Variants in ELMO1 observed in about 807,000 individuals in gnomAD.
The protein encoded by ELMO1 is engulfment and cell motility 1.
ELMO1 carries 26 observed loss-of-function variants against 98.9 expected under a neutral mutation model. The ratio of observed to expected loss-of-function variants is 0.26; its 90% CI spans 0.19 to 0.36. The LOEUF is 0.36. ELMO1 is among the 10% of genes least tolerant of loss of function. The pLI, the probability that ELMO1 is intolerant of heterozygous loss-of-function variation, is 1.00. For missense variants in ELMO1, 627 were observed against 935.2 expected (o/e 0.67, Z 4.30); for synonymous variants, 346 against 346.0 (o/e 1.00, Z 0.00).
At chr7:36,892,434 AT>A (rs142068229) in intron 17 of ELMO1, among the ~76,000 whole-genome samples, 9,010 of 152,206 alleles carry the variant, frequency 0.059, 350 homozygotes, top group South Asian at 0.17. Context: ...TCTATGGTAA[AT>A]CCCCCACCCC....
At chr7:37,304,574 G>A (rs1296146451) in intron 4 of ELMO1, among the ~76,000 whole-genome samples, 1 of 152,096 alleles carries the variant, frequency 6.6e-6, no homozygotes, top group African/African-American at 2.4e-5. Context: ...AAATTAGCTG[G>A]GTGTGGTGGC....
chr7:37,375,839 C>G, intron 1 of ELMO1: 2 of 763,476 alleles, frequency 2.6e-6, no homozygotes, highest in South Asian at 2.9e-5. Flanking sequence ...AGGCCTCGGC[C>G]TAAAGGTCTG....
chr7:37,398,061 C>G (rs771014651), intron 1 of ELMO1, among the ~76,000 whole-genome samples: 3 of 152,174 alleles, frequency 2.0e-5, no homozygotes, highest in Non-Finnish European at 4.4e-5. Flanking sequence ...ATGCTGGGCT[C>G]AATACCTAGG....
chr7:37,165,067 G>T (rs1789554958), intron 13 of ELMO1, among the ~76,000 whole-genome samples: 1 of 152,128 alleles, frequency 6.6e-6, no homozygotes, highest in Non-Finnish European at 1.5e-5. Flanking sequence ...TTGTAAGGTG[G>T]ATTCTTAGGT....
At chr7:37,408,154 TCATGCAGCAAGGG>T (rs1473552227) in intron 1 of ELMO1, among the ~76,000 whole-genome samples, 3 of 152,178 alleles carry the variant, frequency 2.0e-5, no homozygotes, top group Admixed American at 6.5e-5. Flanking sequence ...GAAATAGCTA[TCATGCAGCAAGGG>T]TTCAATAAAA....
chr7:36,926,220 C>T (rs73115367), intron 16 of ELMO1, among the ~76,000 whole-genome samples: 2 of 152,204 alleles, frequency 1.3e-5, no homozygotes, highest in African/African-American at 4.8e-5. Context: ...CCATCCTCAT[C>T]TCTACTCTGC....
rs192199580 is a variant in ELMO1 at position 37,258,167 on chromosome 7, C to T, written c.413+1014G>A. 1.3e-3 allele frequency among the ~76,000 whole-genome samples: 201 copies of T among 152,204 alleles called. 1 individual carries two copies. Among genetic ancestry groups the T allele is most frequent in the Non-Finnish European group, 2.1e-3 (144 of 68,016 alleles). On this transcript the variant is annotated intron_variant, in intron 6 of 21. Transcript: ENST00000310758. ...CTTGTAGTCCTAGCTACTCGGGAGC[C>T]TGAGGAAGGAGAATTGCTTGAACCC...
chr7:37,120,321 G>C (rs1320328082), intron 14 of ELMO1, among the ~76,000 whole-genome samples: 1 of 152,246 alleles, frequency 6.6e-6, no homozygotes, highest in African/African-American at 2.4e-5. Flanking sequence ...CCGAAGCAGG[G>C]AGAGGCGTTG....
intron 1 of ELMO1, among the ~76,000 whole-genome samples, chr7:37,434,849 T>C (rs1041669080): frequency 2.6e-5 from 4 of 152,180 alleles, no homozygotes; most frequent in African/African-American, 9.7e-5. Context: ...CCTGACTACA[T>C]TAATCTCCCT....
rs532050995 is a variant in ELMO1, at chr7:37,115,558, A to T, written c.1191+17572T>A. Among the ~76,000 whole-genome samples, 19 of 132,358 alleles carry T rather than the reference A, an allele frequency of 1.4e-4. No homozygotes were observed. The East Asian group carries it at 1.6e-3, about 11-fold the overall frequency. 86.8% of individuals were successfully genotyped at this position (132,358 alleles called of 152,430 possible). A position where few individuals can be genotyped will look rare whatever the true frequency, so the allele number is the denominator to read the frequency against. ...ATAAAATCTAACACTCATTCATGAT[A>T]AAAAAAAACTCTCAGCAAACTAAGA... On this transcript the variant is annotated intron_variant, in intron 14 of 21. Coordinates refer to ENST00000310758, the MANE Select transcript of ELMO1 (RefSeq NM_014800.11).
At chr7:37,065,784 A>AGACAC (rs1225471317) in intron 15 of ELMO1, among the ~76,000 whole-genome samples, 1 of 152,224 alleles carries the variant, frequency 6.6e-6, no homozygotes, top group Admixed American at 6.5e-5. Flanking sequence ...ACAAGCATAG[A>AGACAC]GACACTGCCT....
chr7:37,126,300 AATATATATATATAT>A (rs201860679), intron 14 of ELMO1, among the ~76,000 whole-genome samples: 37 of 134,128 alleles, frequency 2.8e-4, no homozygotes, highest in Non-Finnish European at 4.2e-4. Context: ...GTATAATTTA[AATATATATATATAT>A]ATATATATAT....
At chr7:37,314,656 G>A (rs1799060818) in intron 4 of ELMO1, among the ~76,000 whole-genome samples, 194 bp downstream of exon 4, 1 of 152,136 alleles carries the variant, frequency 6.6e-6, no homozygotes, top group South Asian at 2.1e-4. Context: ...AACATATTTG[G>A]TCTTTACTCT....
chr7:37,205,286 AG>A (rs1792551058), intron 13 of ELMO1, among the ~76,000 whole-genome samples: 1 of 152,220 alleles, frequency 6.6e-6, no homozygotes, highest in Non-Finnish European at 1.5e-5. Context: ...CATTGCTCCT[AG>A]GAACAATATT....
At chr7:37,127,779 C>G (rs1786629947) in intron 14 of ELMO1, among the ~76,000 whole-genome samples, 1 of 152,170 alleles carries the variant, frequency 6.6e-6, no homozygotes, top group African/African-American at 2.4e-5. Context: ...CTTGCCATTG[C>G]TTCCTGCTTT....
intron 4 of ELMO1, among the ~76,000 whole-genome samples, chr7:37,296,761 GGA>G (rs1798047560): frequency 6.6e-6 from 1 of 152,026 alleles, no homozygotes; most frequent in Admixed American, 6.5e-5. Context: ...CCAGATACTT[GGA>G]TATTTATTTC....
intron 16 of ELMO1, among the ~76,000 whole-genome samples, chr7:36,997,493 GAGAAA>G (rs1376022934): frequency 1.3e-5 from 2 of 152,148 alleles, no homozygotes; most frequent in Non-Finnish European, 2.9e-5. Context: ...ACCTACTAGA[GAGAAA>G]AGGTAGGGAA....
chr7:37,226,662 G>A (rs1236090198), intron 8 of ELMO1, among the ~76,000 whole-genome samples: 4 of 151,988 alleles, frequency 2.6e-5, no homozygotes, highest in East Asian at 1.9e-4. Context: ...CCTCATTCCC[G>A]GCTCCCCTGC....
intron 15 of ELMO1, among the ~76,000 whole-genome samples, chr7:37,075,644 A>G (rs911163165): frequency 8.5e-5 from 13 of 152,142 alleles, no homozygotes; most frequent in African/African-American, 3.1e-4. Flanking sequence ...GCTCCTTCTT[A>G]TATGCACATA....
Sources: allele counts gnomAD v4.1 joint callset (sites outside exome capture counted in the v4.1 genomes callset), GRCh38; gene constraint gnomAD v4.1.1; transcripts MANE v1.5; gene names NCBI Gene and HGNC (gene_info 2026-07-23, HGNC 2026-07-21).